The following LRCH2 variants were observed in gnomAD, a reference collection of about 807,000 sequenced individuals.
LRCH2 encodes leucine rich repeats and calponin homology domain containing 2, also known as leucine-rich repeat and calponin homology domain-containing protein 2.
LRCH2 carries 38 observed loss-of-function variants against 68.9 expected under a neutral mutation model. That is an observed-to-expected ratio of 0.55 (90% CI 0.43 to 0.72). The LOEUF is 0.72. Ranked by LOEUF, LRCH2 falls within the 30% of genes least tolerant of loss-of-function variation. The pLI, the probability that LRCH2 is intolerant of heterozygous loss-of-function variation, is 0.00. For synonymous variants in LRCH2, 191 were observed against 208.1 expected (o/e 0.92, Z 0.71); for missense variants, 528 against 572.9 (o/e 0.92, Z 0.80).
intron 12 of LRCH2, among the ~76,000 whole-genome samples, chrX:115,153,086 A>G (rs910792837): frequency 1.9e-5 from 2 of 104,199 alleles, no homozygotes; most frequent in African/African-American, 7.0e-5. Context: ...AGGAAGGAGG[A>G]TTCCTTGAGA....
intron 1 of LRCH2, among the ~76,000 whole-genome samples, chrX:115,229,074 T>C (rs150600063): frequency 9.0e-6 from 1 of 111,388 alleles, no homozygotes; most frequent in Non-Finnish European, 1.9e-5. Context: ...ATGAATCTAT[T>C]CTAAAACCAT....
chrX:115,122,901 T>C lies in LRCH2; in HGVS notation c.1963-4A>G, dbSNP rs1157716775. On this transcript the variant is annotated splice_region_variant and splice_polypyrimidine_tract_variant and intron_variant, in intron 18 of 20. Coordinates refer to ENST00000317135, the MANE Select transcript of LRCH2 (RefSeq NM_020871.4). ...CTTTTAACCTGGATTCAAGATTCTA[T>C]AGAAAAACAGGTATAAATCAGATAC... The C allele has an allele frequency of 4.2e-6, 5 of 1,195,023 alleles. No homozygotes were observed. In the African/African-American group the frequency reaches 5.3e-5, roughly 13 times the overall value.
intron 1 of LRCH2, among the ~76,000 whole-genome samples, chrX:115,194,956 G>T (rs2072876300): frequency 1.8e-5 from 2 of 111,228 alleles, no homozygotes; most frequent in Admixed American, 1.9e-4. Flanking sequence ...GATGAATCTT[G>T]ATCTCCTAAG....
At position 115,168,101 on chromosome X, in the gene LRCH2, A is replaced by G. The variant is rs373904831; in HGVS notation, c.999-1759T>C. Among the ~76,000 whole-genome samples, 10 of 112,066 alleles carry G rather than the reference A, an allele frequency of 8.9e-5. No homozygotes were observed. The East Asian group carries it at 2.8e-3, about 31-fold the overall frequency. ...CAAGGACATACAGTTATTAAGAGTC[A>G]TAAAAGGGCTTCAAAGCCATATTAT... On this transcript the variant is annotated intron_variant, in intron 6 of 20. Coordinates refer to ENST00000317135, the MANE Select transcript of LRCH2 (RefSeq NM_020871.4).
intron 1 of LRCH2, among the ~76,000 whole-genome samples, chrX:115,195,972 AGTG>A (rs1359808093): frequency 8.9e-6 from 1 of 112,069 alleles, no homozygotes; most frequent in East Asian, 2.8e-4. Context: ...GCAAACTATG[AGTG>A]GTCCTGGGAA....
intron 1 of LRCH2, among the ~76,000 whole-genome samples, chrX:115,231,378 A>G (rs1336368509): frequency 9.0e-6 from 1 of 111,686 alleles, no homozygotes; most frequent in East Asian, 2.8e-4. Context: ...CTTCAGTTCC[A>G]ATGTACCTGC....
chrX:115,224,897 C>G (rs1190126269), intron 1 of LRCH2, among the ~76,000 whole-genome samples: 1 of 111,448 alleles, frequency 9.0e-6, no homozygotes, highest in African/African-American at 3.3e-5. Flanking sequence ...TGCTTAGGTT[C>G]AACAAAGTAT....
rs200012616 is a variant in LRCH2 at position 115,230,125 on chromosome X, A to T, written c.349+3568T>A. Among the ~76,000 whole-genome samples the T allele has an allele frequency of 1.7e-4, 19 of 111,918 alleles. No individual in the cohort carries two copies. In the East Asian group the frequency reaches 5.3e-3, roughly 31 times the overall value. On this transcript the variant is annotated intron_variant, in intron 1 of 20. Coordinates refer to ENST00000317135, the MANE Select transcript of LRCH2 (RefSeq NM_020871.4). Reference sequence around the variant, plus strand: ...TTCACTTTCAAGTCAACAAATTATCATAGTATCCAGATGGACCAAAAAGTT... The same window carrying T: ...TTCACTTTCAAGTCAACAAATTATCTTAGTATCCAGATGGACCAAAAAGTT...
At chrX:115,130,855 G>GA (rs1441769412) in intron 14 of LRCH2, among the ~76,000 whole-genome samples, 7 of 110,713 alleles carry the variant, frequency 6.3e-5, no homozygotes, top group Non-Finnish European at 1.3e-4. Context: ...GCTTATATGT[G>GA]AAAAAATGCT....
At chrX:115,130,883 T>C (rs1556529852) in intron 14 of LRCH2, among the ~76,000 whole-genome samples, 1 of 110,342 alleles carries the variant, frequency 9.1e-6, no homozygotes, top group African/African-American at 3.3e-5. Context: ...GTCAAGAAAA[T>C]ACAGTATGAC....
intron 14 of LRCH2, among the ~76,000 whole-genome samples, chrX:115,132,580 A>G (rs888326012): frequency 4.5e-5 from 5 of 111,993 alleles, no homozygotes; most frequent in South Asian, 3.7e-4. Flanking sequence ...GAAGTGAGCT[A>G]TATTAGGGAT....
intron 14 of LRCH2, among the ~76,000 whole-genome samples, chrX:115,136,360 A>G (rs2072289976): frequency 8.9e-6 from 1 of 112,148 alleles, no homozygotes; most frequent in Non-Finnish European, 1.9e-5. Flanking sequence ...CAGTATTTGC[A>G]TATAAGCTAC....
intron 5 of LRCH2, among the ~76,000 whole-genome samples, chrX:115,179,055 T>C (rs1049694993): frequency 2.7e-5 from 3 of 112,226 alleles, no homozygotes; most frequent in African/African-American, 9.7e-5. Context: ...TTGTATTTTG[T>C]TCTTTCTGTT....
chrX:115,158,133 C>T (rs1556540278), intron 11 of LRCH2, among the ~76,000 whole-genome samples: 3 of 111,660 alleles, frequency 2.7e-5, no homozygotes, highest in African/African-American at 9.8e-5. Context: ...AAAGACTATA[C>T]AATTCAGCTA....
chrX:115,218,610 C>T (rs1370130994), intron 1 of LRCH2, among the ~76,000 whole-genome samples: 1 of 112,417 alleles, frequency 8.9e-6, no homozygotes, highest in African/African-American at 3.2e-5. Flanking sequence ...GCCAAGTCTT[C>T]GTTAACATAG....
chrX:115,192,162 C>T (rs1334881618), intron 1 of LRCH2: 9 of 1,165,855 alleles, frequency 7.7e-6, no homozygotes, highest in African/African-American at 3.6e-5. Context: ...GTGACCATTA[C>T]GGAAGAGGAG....
Position 115,110,670 on chromosome X carries a change from C to T in LRCH2, c.*2546G>A, listed in dbSNP as rs1329407397. 1.8e-5 allele frequency: 2 copies of T among 111,932 alleles called. No homozygotes were observed. The highest frequency in any genetic ancestry group is 3.8e-5 in the Non-Finnish European group (2 of 53,108). 9.2% of individuals were successfully genotyped at this position (111,932 alleles called of 1,213,427 possible). On this transcript the variant is annotated 3_prime_UTR_variant, in exon 21 of 21. Transcript: ENST00000317135. Reference sequence around the variant, plus strand: ...CATCGGTAATATACATTTAAGTGTTCCATTTATTTTTAAATGCATCAGAAA... The same window carrying T: ...CATCGGTAATATACATTTAAGTGTTTCATTTATTTTTAAATGCATCAGAAA...
chrX:115,193,413 T>G (rs2072861680), intron 1 of LRCH2, among the ~76,000 whole-genome samples: 1 of 111,423 alleles, frequency 9.0e-6, no homozygotes, highest in African/African-American at 3.3e-5. Flanking sequence ...CCACAATTTT[T>G]TTTTTCTCAT....
chrX:115,192,657 C>G (rs1556561651), intron 1 of LRCH2: 1 of 1,163,010 alleles, frequency 8.6e-7, no homozygotes, highest in African/African-American at 1.8e-5. Flanking sequence ...CAGGAACAGA[C>G]TTGGGCCCAA....
Sources: allele counts gnomAD v4.1 joint callset (sites outside exome capture counted in the v4.1 genomes callset), GRCh38; gene constraint gnomAD v4.1.1; transcripts MANE v1.5; gene names NCBI Gene and HGNC (gene_info 2026-07-23, HGNC 2026-07-21).